CEP57: variants seen among roughly 807,000 people sequenced by gnomAD.
The protein encoded by CEP57 is centrosomal protein 57, also known as centrosomal protein of 57 kDa.
A neutral mutation model predicts 68.0 loss-of-function variants in CEP57; 40 were observed. That is an observed-to-expected ratio of 0.59 (90% CI 0.46 to 0.77). The LOEUF is 0.77. Among genes scored for constraint, CEP57 ranks in the 30% least tolerant of loss-of-function variants. The pLI is 0.00. For missense variants in CEP57, 606 were observed against 580.7 expected (o/e 1.04, Z -0.45); for synonymous variants, 219 against 198.7 (o/e 1.10, Z -0.86).
At chr11:95,793,214 T>C (rs1861178346) in intron 1 of CEP57, among the ~76,000 whole-genome samples, 1 of 152,192 alleles carries the variant, frequency 6.6e-6, no homozygotes, top group Non-Finnish European at 1.5e-5. Context: ...TATTGAGTGA[T>C]TGCTCTGGAA....
intron 4 of CEP57, among the ~76,000 whole-genome samples, chr11:95,817,391 A>G (rs1469484879): frequency 1.3e-5 from 2 of 152,146 alleles, no homozygotes; most frequent in Non-Finnish European, 2.9e-5. Flanking sequence ...ATAAAAGGAT[A>G]TTATACATAG....
intron 2 of CEP57, 44 bp from the exon 3 acceptor site, chr11:95,812,888 G>T (rs770490978): frequency 3.2e-6 from 5 of 1,545,120 alleles, no homozygotes; most frequent in Non-Finnish European, 4.5e-6. Flanking sequence ...TACTTTCTCC[G>T]CATATGCTGT....
At chr11:95,808,005 A>T (rs1272689393) in intron 2 of CEP57, among the ~76,000 whole-genome samples, 1 of 152,350 alleles carries the variant, frequency 6.6e-6, no homozygotes, top group South Asian at 2.1e-4. Context: ...AGCCCATCAG[A>T]CTAACAGCAG....
chr11:95,813,144 A>C (rs868585428), intron 3 of CEP57, 33 bp downstream of exon 3: 1 of 1,593,964 alleles, frequency 6.3e-7, no homozygotes, highest in African/African-American at 1.3e-5. Context: ...AATTCTATCA[A>C]AATAAGTGTT....
intron 1 of CEP57, among the ~76,000 whole-genome samples, chr11:95,793,302 A>G (rs1027879540): frequency 1.4e-4 from 21 of 152,218 alleles, no homozygotes; most frequent in Non-Finnish European, 2.8e-4. Context: ...ATATGGAGGT[A>G]TGGGCAGCAT....
intron 1 of CEP57, among the ~76,000 whole-genome samples, chr11:95,797,712 GA>G (rs1861409870): frequency 6.6e-6 from 1 of 152,176 alleles, no homozygotes; most frequent in Non-Finnish European, 1.5e-5. Context: ...TATATGTCAT[GA>G]GGAGTGATAT....
Position 95,831,212 on chromosome 11 carries a change from A to G in CEP57, c.1459A>G (p.Ile487Val). 1 of 1,613,662 alleles carries G rather than the reference A, an allele frequency of 6.2e-7. No homozygotes were observed. The highest frequency in any genetic ancestry group is 8.5e-7 in the Non-Finnish European group (1 of 1,179,636). Residue 487 changes from isoleucine (I) to valine (V), a missense_variant, in exon 11 of 11, where the codon ATA becomes GTA. Coordinates refer to ENST00000325542, the MANE Select transcript of CEP57 (RefSeq NM_014679.5). ...NLQLLKDMQS[I>V]QNSLQSSSLC... Reference sequence around the variant, plus strand: ...TCAGTTATTGAAGGACATGCAAAGCATACAGAATTCATTACAAAGCAGTAG... The same window carrying G: ...TCAGTTATTGAAGGACATGCAAAGCGTACAGAATTCATTACAAAGCAGTAG...
chr11:95,831,971 G>C lies in CEP57; in HGVS notation c.*715G>C, dbSNP rs935133931. 1.8e-4 allele frequency: 28 copies of C among 152,022 alleles called. No homozygotes were observed. The highest frequency in any genetic ancestry group is 6.3e-4 in the African/African-American group (26 of 41,374). The allele number at this position is 152,022 out of a possible 1,614,324, so 9.4% of individuals were successfully genotyped here. A position where few individuals can be genotyped will look rare whatever the true frequency, so the allele number is the denominator to read the frequency against. Reference sequence around the variant, plus strand: ...AGATTTTGGAATAAAGTGAGAATGGGAGAAGGGATATGTTGTGAGCATATA... The same window carrying C: ...AGATTTTGGAATAAAGTGAGAATGGCAGAAGGGATATGTTGTGAGCATATA... On this transcript the variant is annotated 3_prime_UTR_variant, in exon 11 of 11. Transcript: ENST00000325542.
At chr11:95,791,132 T>C (rs1861044947) in intron 1 of CEP57, among the ~76,000 whole-genome samples, 1 of 152,018 alleles carries the variant, frequency 6.6e-6, no homozygotes, top group Non-Finnish European at 1.5e-5. Context: ...GGCGCGCCAG[T>C]GTGTTTAAGA....
chr11:95,800,604 A>C (rs1212778048), intron 2 of CEP57, among the ~76,000 whole-genome samples: 3 of 151,980 alleles, frequency 2.0e-5, no homozygotes, highest in African/African-American at 7.3e-5. Context: ...GTTGGCCCAG[A>C]TGGTCTCAAT....
intron 7 of CEP57, 48 bp downstream of exon 7, chr11:95,822,026 G>C (rs370418539): frequency 1.5e-6 from 2 of 1,292,448 alleles, no homozygotes; most frequent in African/African-American, 2.9e-5. Context: ...ACTTGGTATA[G>C]TTTATGTCAA....
chr11:95,816,631 C>T (rs1469729603), intron 4 of CEP57, among the ~76,000 whole-genome samples: 1 of 152,132 alleles, frequency 6.6e-6, no homozygotes. Context: ...TAAATTATTG[C>T]TTTATATTAA....
chr11:95,831,339 C>T lies in CEP57; in HGVS notation c.*83C>T, dbSNP rs1862999355. 1.0e-6 allele frequency: 1 copy of T among 988,772 alleles called. No individual in the cohort carries two copies. Among genetic ancestry groups the T allele is most frequent in the South Asian group, 1.4e-5 (1 of 71,424 alleles). 61.2% of individuals were successfully genotyped at this position (988,772 alleles called of 1,614,324 possible). A position where few individuals can be genotyped will look rare whatever the true frequency, so the allele number is the denominator to read the frequency against. Reference sequence around the variant, plus strand: ...GACAATTTACTTCCCAGGTCTCATACTCACTTATGTTGGAATTAATTAATA... The same window carrying T: ...GACAATTTACTTCCCAGGTCTCATATTCACTTATGTTGGAATTAATTAATA... On this transcript the variant is annotated 3_prime_UTR_variant, in exon 11 of 11. Coordinates refer to ENST00000325542, the MANE Select transcript of CEP57 (RefSeq NM_014679.5).
chr11:95,790,665 C>G lies in CEP57; in HGVS notation c.-34C>G. ...AAGAGCACGAGAACCTAGACCGCCC[C>G]CGAAGTGCGGAGACCCCCTGGGCAG... On this transcript the variant is annotated 5_prime_UTR_variant, in exon 1 of 11. Transcript: ENST00000325542. 6.2e-7 allele frequency: 1 copy of G among 1,611,640 alleles called. No homozygotes were observed. Among genetic ancestry groups the G allele is most frequent in the Non-Finnish European group, 8.5e-7 (1 of 1,179,016 alleles).
chr11:95,817,096 G>A (rs573245431), intron 4 of CEP57, among the ~76,000 whole-genome samples: 95 of 152,086 alleles, frequency 6.2e-4, no homozygotes, highest in African/African-American at 2.1e-3. Context: ...GGCCAGGTAC[G>A]GTGGCTCACG....
At position 95,821,932 on chromosome 11, in the gene CEP57, C is replaced by G; in HGVS notation, c.761C>G (p.Pro254Arg). The change falls in exon 7 of 11, where the codon CCC (proline) becomes CGC (arginine). Residue 254 changes from proline to arginine, a missense_variant. Coordinates refer to ENST00000325542, the MANE Select transcript of CEP57 (RefSeq NM_014679.5). ...IFEDKATPCV[P>R]NARRIKKKKS... ...GAAGATAAGGCAACTCCGTGTGTTC[C>G]CAATGCAAGAAGAATTAAAAAAAAG... 1 of 1,612,576 alleles carries G rather than the reference C, an allele frequency of 6.2e-7. No homozygotes were observed. Among genetic ancestry groups the G allele is most frequent in the Non-Finnish European group, 8.5e-7 (1 of 1,179,518 alleles).
At chr11:95,827,674 T>C in intron 8 of CEP57, 112 bp from the exon 9 acceptor site, 2 of 1,196,466 alleles carry the variant, frequency 1.7e-6, no homozygotes, top group Non-Finnish European at 2.4e-6. Context: ...TTTTAGGATT[T>C]ATATACTCTA....
intron 2 of CEP57, among the ~76,000 whole-genome samples, chr11:95,799,905 A>C (rs1343121387): frequency 6.6e-6 from 1 of 152,212 alleles, no homozygotes; most frequent in Non-Finnish European, 1.5e-5. Flanking sequence ...TTAATTTTTC[A>C]TAACCTAGAC....
At chr11:95,818,302 C>T (rs1862386873) in intron 5 of CEP57, among the ~76,000 whole-genome samples, 1 of 151,062 alleles carries the variant, frequency 6.6e-6, no homozygotes, top group African/African-American at 2.4e-5. Flanking sequence ...ATCGCAGCTG[C>T]TTGGAGGCTG....
Sources: allele counts gnomAD v4.1 joint callset (sites outside exome capture counted in the v4.1 genomes callset), GRCh38; gene constraint gnomAD v4.1.1; transcripts MANE v1.5; gene names NCBI Gene and HGNC (gene_info 2026-07-23, HGNC 2026-07-21).